DNAH3: variants seen among roughly 807,000 people sequenced by gnomAD.
DNAH3 encodes dynein axonemal heavy chain 3.
A neutral mutation model predicts 432.5 loss-of-function variants in DNAH3; 332 were observed. The observed-to-expected ratio is 0.77, with a 90% confidence interval of 0.70 to 0.84. DNAH3 has a LOEUF of 0.84. Ranked by LOEUF, DNAH3 falls within the 40% of genes least tolerant of loss-of-function variation. The probability of loss-of-function intolerance (pLI) is 0.00; values close to 1 mark genes in which losing one functional copy is unlikely to be tolerated. For missense variants in DNAH3, 4,861 were observed against 5,114.0 expected (o/e 0.95, Z 1.51); for synonymous variants, 1,956 against 1,900.2 (o/e 1.03, Z -0.76).
At chr16:20,992,747 A>G (rs2086610170) in intron 44 of DNAH3, among the ~76,000 whole-genome samples, 1 of 152,264 alleles carries the variant, frequency 6.6e-6, no homozygotes, top group South Asian at 2.1e-4. Flanking sequence ...TCTGAGTAGT[A>G]GACATGTTCA....
intron 49 of DNAH3, among the ~76,000 whole-genome samples, chr16:20,980,296 T>TCATATATTATAATATACAG (rs2085826704): frequency 7.0e-6 from 1 of 143,166 alleles, no homozygotes; most frequent in African/African-American, 2.5e-5. Flanking sequence ...ATAATATACA[T>TCATATATTATAATATACAG]CATATATTAT....
chr16:21,008,740 T>C (rs916783355), intron 41 of DNAH3, among the ~76,000 whole-genome samples: 1 of 152,146 alleles, frequency 6.6e-6, no homozygotes, highest in Non-Finnish European at 1.5e-5. Context: ...CTGACCTGCT[T>C]TCCTCTCCCC....
chr16:21,019,960 T>C (rs2088074865), intron 40 of DNAH3, 91 bp from the exon 41 acceptor site: 2 of 1,480,116 alleles, frequency 1.4e-6, no homozygotes, highest in Non-Finnish European at 9.2e-7. Context: ...TTGAAGGGTC[T>C]GGGCCAGAAG....
intron 33 of DNAH3, 45 bp from the exon 34 acceptor site, chr16:21,038,025 G>A (rs776382081): frequency 3.2e-5 from 50 of 1,550,890 alleles, no homozygotes; most frequent in Non-Finnish European, 3.9e-5. Context: ...AGAGGACTAC[G>A]TCCTGCCCAG....
At chr16:21,104,182 G>A (rs1306539684) in intron 16 of DNAH3, 5 of 286,892 alleles carry the variant, frequency 1.7e-5, no homozygotes, top group East Asian at 1.5e-4. Flanking sequence ...TGGGGAGGCC[G>A]TTATAACATG....
intron 61 of DNAH3, among the ~76,000 whole-genome samples, chr16:20,934,474 G>GC (rs34637162): frequency 0.69 from 105,462 of 152,026 alleles, 37,071 homozygotes; most frequent in Non-Finnish European, 0.75. Flanking sequence ...TTAGCCTATA[G>GC]TGGGCAGGAA....
intron 44 of DNAH3, among the ~76,000 whole-genome samples, chr16:20,992,877 A>G (rs1244112811): frequency 2.6e-5 from 4 of 152,096 alleles, no homozygotes; most frequent in Non-Finnish European, 5.9e-5. Flanking sequence ...TTGTTGATTC[A>G]TTCGTTGAGA....
intron 41 of DNAH3, among the ~76,000 whole-genome samples, chr16:21,005,171 TTTTC>T (rs767574790): frequency 4.9e-5 from 5 of 102,308 alleles, no homozygotes; most frequent in African/African-American, 9.6e-5. Flanking sequence ...CTTTCTTTCT[TTTTC>T]TTTTTCTTTC....
At chr16:21,156,039 C>T (rs2092895082) in intron 1 of DNAH3, among the ~76,000 whole-genome samples, 1 of 152,098 alleles carries the variant, frequency 6.6e-6, no homozygotes, top group Admixed American at 6.5e-5. Context: ...GCTGGAAGTT[C>T]ACAATCAGGG....
intron 41 of DNAH3, among the ~76,000 whole-genome samples, chr16:21,010,296 T>G (rs960842350): frequency 2.6e-5 from 4 of 152,132 alleles, no homozygotes; most frequent in African/African-American, 9.7e-5. Flanking sequence ...CAGGAATGGA[T>G]TGGTAATGAA....
intron 38 of DNAH3, among the ~76,000 whole-genome samples, 172 bp from the exon 39 acceptor site, chr16:21,024,873 T>A (rs2088460558): frequency 6.6e-6 from 1 of 152,188 alleles, no homozygotes; most frequent in Non-Finnish European, 1.5e-5. Context: ...ATCTGCCCCT[T>A]GATTTCTTTC....
intron 38 of DNAH3, among the ~76,000 whole-genome samples, chr16:21,026,818 C>A (rs1048889146): frequency 4.0e-5 from 6 of 151,846 alleles, no homozygotes; most frequent in African/African-American, 1.4e-4. Context: ...CAATCTGTAC[C>A]CCAAACCCCC....
chr16:21,059,428 G>A (rs1019187359), intron 26 of DNAH3, among the ~76,000 whole-genome samples: 1 of 152,138 alleles, frequency 6.6e-6, no homozygotes, highest in Non-Finnish European at 1.5e-5. Context: ...TTAGTGTGAG[G>A]GTGTTGAGTA....
intron 59 of DNAH3, among the ~76,000 whole-genome samples, chr16:20,939,429 T>C (rs1344242471): frequency 1.3e-5 from 2 of 152,100 alleles, no homozygotes; most frequent in African/African-American, 2.4e-5. Context: ...CTGGCCAACA[T>C]GGCGAAATCC....
intron 51 of DNAH3, among the ~76,000 whole-genome samples, chr16:20,971,514 C>T (rs2085341687): frequency 6.6e-6 from 1 of 152,194 alleles, no homozygotes; most frequent in African/African-American, 2.4e-5. Flanking sequence ...GTTTCTCCTC[C>T]TCCCTGGGTA....
intron 15 of DNAH3, among the ~76,000 whole-genome samples, chr16:21,105,462 T>C (rs1334400830): frequency 6.6e-6 from 1 of 152,124 alleles, no homozygotes; most frequent in Non-Finnish European, 1.5e-5. Context: ...AAAAGTGGGA[T>C]TGATGAAGAT....
rs765597634 is a variant in DNAH3, at chr16:20,987,725, C to T, written c.6850G>A (p.Gly2284Arg). The T allele has an allele frequency of 3.9e-5, 63 of 1,613,976 alleles. No homozygotes were observed. Among genetic ancestry groups the T allele is most frequent in the Non-Finnish European group, 4.7e-5 (56 of 1,180,012 alleles). The change falls in exon 46 of 62, where the codon GGG becomes AGG. Residue 2284 changes from glycine (G) to arginine (R), a missense_variant. Physicochemically the swap from Gly to Arg is moderately radical, Grantham distance 125. Coordinates refer to ENST00000261383, the Ensembl canonical transcript of DNAH3. ...TGTGTGTGAGGGCACAGCAGGACCC[C>T]TTGAATCACTCGTGAGAAGTCCCGC... is the stretch of plus-strand genomic sequence containing the variant.
chr16:21,089,970 T>C (rs2091482903), intron 18 of DNAH3, among the ~76,000 whole-genome samples: 1 of 151,974 alleles, frequency 6.6e-6, no homozygotes, highest in African/African-American at 2.4e-5. Context: ...AAATTACCAA[T>C]ATCAAAAATA....
At chr16:21,006,483 T>C (rs1323171659) in intron 41 of DNAH3, among the ~76,000 whole-genome samples, 1 of 152,122 alleles carries the variant, frequency 6.6e-6, no homozygotes, top group African/African-American at 2.4e-5. Flanking sequence ...ATTACCACAA[T>C]CAACTTTAGA....
Sources: allele counts gnomAD v4.1 joint callset (sites outside exome capture counted in the v4.1 genomes callset), GRCh38; gene constraint gnomAD v4.1.1; transcripts MANE v1.5; gene names NCBI Gene and HGNC (gene_info 2026-07-23, HGNC 2026-07-21).